Variants in IQCH observed in about 807,000 individuals in gnomAD.
The protein encoded by IQCH is IQ motif containing H, also known as IQ domain-containing protein H.
In IQCH, 98 loss-of-function variants were observed where a neutral mutation model predicts 117.0. The ratio of observed to expected loss-of-function variants is 0.84; its 90% CI spans 0.71 to 0.99. The LOEUF is 0.99. Among genes scored for constraint, IQCH ranks in the 50% least tolerant of loss-of-function variants. The pLI is 0.00. For synonymous variants in IQCH, 412 were observed against 448.2 expected (o/e 0.92, Z 1.02); for missense variants, 1,102 against 1,243.8 (o/e 0.89, Z 1.72).
intron 20 of IQCH, among the ~76,000 whole-genome samples, chr15:67,498,809 G>A (rs917164686): frequency 1.7e-4 from 26 of 151,990 alleles, no homozygotes; most frequent in African/African-American, 5.1e-4. Flanking sequence ...TTAAAACTTC[G>A]TGCATCAAAG....
In IQCH at chr15:67,372,467, G is replaced by A. The variant is rs201710273; in HGVS notation, c.1110G>A (p.Ser370=). The A allele has an allele frequency of 5.1e-5, 83 of 1,613,972 alleles. No homozygotes were observed. Among genetic ancestry groups the A allele is most frequent in the Non-Finnish European group, 6.4e-5 (75 of 1,179,978 alleles). ...GQRYKGQDGN[S]EAAMKIQATW... ...GGTACAAGGGCCAAGATGGAAATTC[G>A]GAGGCCGCCATGAAGATCCAAGCCA... is the stretch of plus-strand genomic sequence containing the variant. The change falls in exon 9 of 21, where the codon TCG becomes TCA. Residue 370 remains serine, a synonymous_variant. Coordinates refer to ENST00000335894, the MANE Select transcript of IQCH (RefSeq NM_001031715.3).
intron 16 of IQCH, among the ~76,000 whole-genome samples, chr15:67,440,974 T>C (rs887324329): frequency 1.3e-5 from 2 of 151,944 alleles, no homozygotes; most frequent in South Asian, 4.2e-4. Flanking sequence ...CCCTAAGGAC[T>C]CCTCCAGAAA....
Position 67,372,236 on chromosome 15 carries a change from A to T in IQCH, c.879A>T (p.Leu293Phe), listed in dbSNP as rs1316290190. The change falls in exon 9 of 21, where the codon TTA becomes TTT. Residue 293 changes from leucine (L) to phenylalanine (F), a missense_variant. By Grantham distance (22) the Leu-to-Phe change is conservative. Around this residue, in one of 2 missense-constraint regions of IQCH, gnomAD observed 452 missense variants for 449.6 expected, o/e 1.01. Coordinates refer to ENST00000335894, the MANE Select transcript of IQCH (RefSeq NM_001031715.3). ...TAGCATTCAAGGAACATTTTAGCTT[A>T]GCTTGGGGAGGTATTTTTTCTCTCT... The part of the protein sequence containing the change: ...DFLAFKEHFS[L>F]AWGGIFSLLE... 1.2e-6 allele frequency: 2 copies of T among 1,613,998 alleles called. No homozygotes were observed. The highest frequency in any genetic ancestry group is 2.7e-5 in the African/African-American group (2 of 74,920).
chr15:67,347,724 A>G lies in IQCH; in HGVS notation c.637+3533A>G, dbSNP rs562408079. On this transcript the variant is annotated intron_variant, in intron 6 of 20. Transcript: ENST00000335894. ...CAACCAAAGACTTTAGAAAAAAACTACAGCCCAGTATTCTTTATGAAAATA... is the reference window on the plus strand; with the variant it reads ...CAACCAAAGACTTTAGAAAAAAACTGCAGCCCAGTATTCTTTATGAAAATA... Among the ~76,000 whole-genome samples the G allele has an allele frequency of 2.4e-4, 36 of 150,834 alleles. No homozygotes were observed. In the East Asian group the frequency reaches 6.6e-3, roughly 28 times the overall value.
intron 6 of IQCH, among the ~76,000 whole-genome samples, chr15:67,355,179 T>G (rs1308310643): frequency 6.6e-6 from 1 of 152,232 alleles, no homozygotes; most frequent in African/African-American, 2.4e-5. Flanking sequence ...TACTAAAAAC[T>G]TATTTATTGT....
At chr15:67,313,437 A>T (rs1051869547) in intron 4 of IQCH, among the ~76,000 whole-genome samples, 5 of 152,034 alleles carry the variant, frequency 3.3e-5, no homozygotes, top group African/African-American at 1.2e-4. Flanking sequence ...TCCCAGATTA[A>T]TGCTCATTTG....
chr15:67,434,989 TTTTTTTTTAA>T (rs2082103770), intron 16 of IQCH, among the ~76,000 whole-genome samples: 2 of 11,838 alleles, frequency 1.7e-4, no homozygotes, highest in Non-Finnish European at 3.7e-4. Context: ...GTATCTTTGT[TTTTTTTTTAA>T]TTTTTTTTAA....
intron 4 of IQCH, among the ~76,000 whole-genome samples, chr15:67,283,876 A>G (rs1233038818): frequency 6.6e-6 from 1 of 152,054 alleles, no homozygotes; most frequent in Non-Finnish European, 1.5e-5. Flanking sequence ...ACATTTTCAA[A>G]TTTTTATTTA....
At chr15:67,266,077 T>C (rs949973103) in intron 3 of IQCH, among the ~76,000 whole-genome samples, 1 of 151,988 alleles carries the variant, frequency 6.6e-6, no homozygotes, top group Admixed American at 6.6e-5. Flanking sequence ...TGGCCTTTTA[T>C]TGACATAGCC....
chr15:67,486,846 CT>C (rs975372580), intron 18 of IQCH, among the ~76,000 whole-genome samples: 4 of 152,282 alleles, frequency 2.6e-5, no homozygotes, highest in African/African-American at 9.6e-5. Flanking sequence ...GATAGTCCTA[CT>C]TTTTTTGTAC....
At chr15:67,380,553 C>G (rs1186029628) in intron 10 of IQCH, among the ~76,000 whole-genome samples, 1 of 152,200 alleles carries the variant, frequency 6.6e-6, no homozygotes, top group Admixed American at 6.5e-5. Flanking sequence ...ACCACAGTGT[C>G]TAGATCATAG....
In IQCH at chr15:67,431,936, TGAGGC is replaced by T. The variant is rs1596363275; in HGVS notation, c.2505+10360_2505+10364del. ...CTGTAATCCTACCTACATGGGAGGC[TGAGGC>T]AGGAGGATCACTTAAGCCCAGGAGT... On this transcript the variant is annotated intron_variant, in intron 16 of 20. Transcript: ENST00000335894. The surrounding 1 kb of genome is among the most constrained non-coding windows in gnomAD (Gnocchi z 4.8). Among the ~76,000 whole-genome samples, 1 of 152,284 alleles carries T rather than the reference TGAGGC, an allele frequency of 6.6e-6. No individual in the cohort carries two copies. The highest frequency in any genetic ancestry group is 1.9e-4 in the East Asian group (1 of 5,186).
At chr15:67,398,924 G>A (rs1170907835) in intron 13 of IQCH, among the ~76,000 whole-genome samples, 4 of 152,150 alleles carry the variant, frequency 2.6e-5, no homozygotes, top group South Asian at 2.1e-4. Flanking sequence ...CAGAAAAATC[G>A]TTTTGTGAGT....
rs1567229501 is a variant in IQCH at position 67,487,459 on chromosome 15, A to AC, written c.2800-2541dup. On this transcript the variant is annotated intron_variant, in intron 18 of 20. Coordinates refer to ENST00000335894, the MANE Select transcript of IQCH (RefSeq NM_001031715.3). The stretch of plus-strand genomic sequence containing the variant: ...ACACACACACACACACACACACACA[A>AC]CCCTCATTAATATAAGTAATATTTT... Among the ~76,000 whole-genome samples, 17 of 117,972 alleles carry AC rather than the reference A, an allele frequency of 1.4e-4. No homozygotes were observed. The East Asian group carries it at 2.6e-3, about 18-fold the overall frequency. The allele number at this position is 117,972 out of a possible 152,430, so 77.4% of individuals were successfully genotyped here. A position where few individuals can be genotyped will look rare whatever the true frequency, so the allele number is the denominator to read the frequency against.
rs1485001785 is a variant in IQCH, at chr15:67,300,742, T to A, written c.387+21230T>A. Among the ~76,000 whole-genome samples, 6 of 152,210 alleles carry A rather than the reference T, an allele frequency of 3.9e-5. No individual in the cohort carries two copies. The East Asian group carries it at 1.2e-3, about 29-fold the overall frequency. ...TGTGTGTCATTTTATGGTCTACCCA[T>A]GTCTGGGGAGCTGGCATTACACACT... On this transcript the variant is annotated intron_variant, in intron 4 of 20. Transcript: ENST00000335894.
chr15:67,322,583 C>T (rs1372343834), intron 4 of IQCH, among the ~76,000 whole-genome samples: 1 of 152,200 alleles, frequency 6.6e-6, no homozygotes, highest in African/African-American at 2.4e-5. Context: ...CTGGGCCTTG[C>T]TCAGCCCTGG....
rs140481926 is a variant in IQCH, at chr15:67,260,061, A to C, written c.52-1211A>C. 1.9e-3 allele frequency among the ~76,000 whole-genome samples: 284 copies of C among 152,376 alleles called. 1 individual carries two copies. Among genetic ancestry groups the C allele is most frequent in the Admixed American group, 5.2e-3 (80 of 15,302 alleles). ...TGCAGGCTGGATCAGTGTTCAGTCCAGTTATACTAACAGAGAAAAAGTAAC... is the reference window on the plus strand; with the variant it reads ...TGCAGGCTGGATCAGTGTTCAGTCCCGTTATACTAACAGAGAAAAAGTAAC... On this transcript the variant is annotated intron_variant, in intron 1 of 20. Transcript: ENST00000335894.
chr15:67,344,224 GAC>G, intron 6 of IQCH, 33 bp downstream of exon 6: 1 of 1,603,164 alleles, frequency 6.2e-7, no homozygotes, highest in East Asian at 2.2e-5. Context: ...TTCAGTTGGG[GAC>G]ACACAGAAAT....
intron 8 of IQCH, among the ~76,000 whole-genome samples, chr15:67,367,796 A>T (rs4625676): frequency 2.6e-5 from 4 of 151,862 alleles, no homozygotes; most frequent in Non-Finnish European, 4.4e-5. Context: ...GAAATGGAAG[A>T]GTAGCAAAGA....
Sources: gnomAD v4.1 joint callset for allele counts (sites outside exome capture counted in the v4.1 genomes callset) on GRCh38, gnomAD v4.1.1 for gene constraint, gnomAD v4.1.1 regional missense constraint, Gnocchi (gnomAD v3.1) non-coding constraint, MANE v1.5 for transcripts, NCBI Gene and HGNC (gene_info 2026-07-23, HGNC 2026-07-21) for gene names.